The following THSD4 variants were observed in gnomAD, a reference collection of about 807,000 sequenced individuals.
The protein encoded by THSD4 is thrombospondin type-1 domain-containing protein 4.
Under a neutral mutation model 119.0 loss-of-function variants are expected in THSD4, and 69 were observed. The observed-to-expected ratio is 0.58, with a 90% CI of 0.48 to 0.71. The LOEUF (loss-of-function observed/expected upper bound fraction) is 0.71, where lower values mean the gene tolerates loss of function less well. THSD4 is among the 30% of genes least tolerant of loss of function. THSD4 has a pLI of 0.00. For missense variants in THSD4, 1,393 were observed against 1,391.1 expected (o/e 1.00, Z -0.02); for synonymous variants, 524 against 540.4 (o/e 0.97, Z 0.42).
chr15:71,531,803 G>T (rs549329131), intron 7 of THSD4, among the ~76,000 whole-genome samples: 89 of 152,280 alleles, frequency 5.8e-4, no homozygotes, highest in Non-Finnish European at 1.2e-3. Context: ...TAGTCTCCCC[G>T]ATATTTTCCA....
In THSD4 at chr15:71,737,785, G is replaced by A. The variant is rs1397239185; in HGVS notation, c.1684G>A (p.Glu562Lys). ...AGAAGGCAGGAGCCAGGAGGAGGGA[G>A]AACAGAAAGGGAGGAACGAGGAGAA... ...VTEGRSQEEGEQKGRNEEKED... is the reference protein window; with the variant it reads ...VTEGRSQEEGKQKGRNEEKED... The change falls in exon 11 of 18, where the codon GAA (glutamate) becomes AAA (lysine). Residue 562 changes from glutamate to lysine, a missense_variant. Coordinates refer to ENST00000261862, the MANE Select transcript of THSD4 (RefSeq NM_024817.3). 1.9e-6 allele frequency: 3 copies of A among 1,614,154 alleles called. No individual in the cohort carries two copies. The highest frequency in any genetic ancestry group is 1.7e-5 in the Admixed American group (1 of 60,026).
At chr15:71,129,472 A>G (rs1429032050) in intron 1 of THSD4, among the ~76,000 whole-genome samples, 1 of 152,182 alleles carries the variant, frequency 6.6e-6, no homozygotes, top group Non-Finnish European at 1.5e-5. Flanking sequence ...AAGTTCAAGA[A>G]AAAGGGGGAT....
intron 7 of THSD4, among the ~76,000 whole-genome samples, chr15:71,624,396 A>G (rs2050471974): frequency 6.6e-6 from 1 of 152,230 alleles, no homozygotes; most frequent in Non-Finnish European, 1.5e-5. Context: ...TTAATCTTCA[A>G]TTTGTAAACA....
At chr15:71,272,056 C>T (rs1486694446) in intron 6 of THSD4, among the ~76,000 whole-genome samples, 2 of 151,988 alleles carry the variant, frequency 1.3e-5, no homozygotes, top group African/African-American at 4.8e-5. Context: ...GGGCTCAAAT[C>T]CAAAATATGC....
At chr15:71,341,368 C>A in intron 6 of THSD4, 6 of 1,610,860 alleles carry the variant, frequency 3.7e-6, no homozygotes. Flanking sequence ...CTTGGATATG[C>A]TCAATGACCA....
chr15:71,215,289 C>G lies in THSD4; in HGVS notation c.354C>G (p.Arg118=). 1 of 1,522,314 alleles carries G rather than the reference C, an allele frequency of 6.6e-7. No homozygotes were observed. Among genetic ancestry groups the G allele is most frequent in the Non-Finnish European group, 8.8e-7 (1 of 1,140,944 alleles). 94.3% of individuals were successfully genotyped at this position (1,522,314 alleles called of 1,614,324 possible). A position where few individuals can be genotyped will look rare whatever the true frequency, so the allele number is the denominator to read the frequency against. Residue 118 remains arginine (R), a synonymous_variant, in exon 4 of 18, where the codon CGC becomes CGG. Transcript: ENST00000261862. Reference sequence around the variant, plus strand: ...CGTCGGTGCCACTGCACCGGAGCCGCGACGAGACGCCAGCGCTGGCCGGTA... The same window carrying G: ...CGTCGGTGCCACTGCACCGGAGCCGGGACGAGACGCCAGCGCTGGCCGGTA... ...VRTSVPLHRS[R]DETPALAGTD... is the part of the protein sequence containing the mutation.
At chr15:71,616,496 A>G (rs1501427) in intron 7 of THSD4, among the ~76,000 whole-genome samples, 26,651 of 152,222 alleles carry the variant, frequency 0.18, 2,894 homozygotes, top group Non-Finnish European at 0.24. Flanking sequence ...AAGAGATGGC[A>G]TGATTTAACC....
intron 13 of THSD4, 77 bp from the exon 14 acceptor site, chr15:71,748,344 C>A: frequency 6.4e-7 from 1 of 1,556,870 alleles, no homozygotes. Context: ...ATCACAAAGG[C>A]TGCGGGCTCC....
At chr15:71,728,489 G>C in intron 8 of THSD4, 60 bp from the exon 9 acceptor site, 1 of 1,584,824 alleles carries the variant, frequency 6.3e-7, no homozygotes, top group Non-Finnish European at 8.6e-7. Context: ...GGGGGAGTCA[G>C]TTCTGTTTCT....
At chr15:71,742,713 T>C (rs939341843) in intron 11 of THSD4, among the ~76,000 whole-genome samples, 5 of 151,792 alleles carry the variant, frequency 3.3e-5, no homozygotes, top group Non-Finnish European at 5.9e-5. Flanking sequence ...TCTAAATATA[T>C]TAAAACTGAC....
At chr15:71,544,915 A>G (rs1385916463) in intron 7 of THSD4, among the ~76,000 whole-genome samples, 1 of 152,186 alleles carries the variant, frequency 6.6e-6, no homozygotes, top group Non-Finnish European at 1.5e-5. Context: ...AAGGACAAAT[A>G]CTGTAGTGTA....
chr15:71,100,001 T>C (rs2040247637), intron 1 of THSD4, among the ~76,000 whole-genome samples: 1 of 152,234 alleles, frequency 6.6e-6, no homozygotes, highest in African/African-American at 2.4e-5. Flanking sequence ...AATTAAAACA[T>C]AATAAAGTGA....
intron 6 of THSD4, among the ~76,000 whole-genome samples, chr15:71,405,458 T>C (rs2046592970): frequency 6.6e-6 from 1 of 152,230 alleles, no homozygotes; most frequent in Admixed American, 6.5e-5. Flanking sequence ...ATTTTTTCCC[T>C]AATGAATTGT....
intron 7 of THSD4, among the ~76,000 whole-genome samples, chr15:71,517,319 C>G (rs2048375436): frequency 6.6e-6 from 1 of 152,126 alleles, no homozygotes; most frequent in Admixed American, 6.6e-5. Context: ...TCTCTCCTTC[C>G]CAGTCCATGT....
intron 3 of THSD4, among the ~76,000 whole-genome samples, chr15:71,155,685 G>C (rs2040769881): frequency 1.3e-5 from 2 of 152,176 alleles, no homozygotes; most frequent in Non-Finnish European, 2.9e-5. Context: ...GCACCTTCAA[G>C]GTCAAGGGCA....
At chr15:71,421,645 G>A (rs1197014628) in intron 7 of THSD4, among the ~76,000 whole-genome samples, 1 of 152,084 alleles carries the variant, frequency 6.6e-6, no homozygotes, top group Non-Finnish European at 1.5e-5. Flanking sequence ...GTCTTGATTA[G>A]TGTCATTTGG....
At chr15:71,487,702 C>A (rs904593546) in intron 7 of THSD4, among the ~76,000 whole-genome samples, 2 of 152,140 alleles carry the variant, frequency 1.3e-5, no homozygotes, top group Non-Finnish European at 2.9e-5. Context: ...TGAGGACCTT[C>A]AGAAATATTT....
intron 7 of THSD4, among the ~76,000 whole-genome samples, chr15:71,459,644 T>C (rs1399985187): frequency 6.6e-6 from 1 of 152,176 alleles, no homozygotes; most frequent in Non-Finnish European, 1.5e-5. Flanking sequence ...AACACATACA[T>C]TCCCAAAGTA....
chr15:71,350,950 C>T (rs2045736450), intron 6 of THSD4, among the ~76,000 whole-genome samples: 1 of 152,202 alleles, frequency 6.6e-6, no homozygotes. Flanking sequence ...TGAGACCACT[C>T]AGGTCCCTGT....
Sources: allele counts gnomAD v4.1 joint callset (sites outside exome capture counted in the v4.1 genomes callset), GRCh38; gene constraint gnomAD v4.1.1; transcripts MANE v1.5; gene names NCBI Gene and HGNC (gene_info 2026-07-23, HGNC 2026-07-21).